The following ANXA8 variants were observed in gnomAD, a reference collection of about 807,000 sequenced individuals.
ANXA8 encodes annexin A8.
Under a neutral mutation model 26.8 loss-of-function variants are expected in ANXA8, and 9 were observed. The ratio of observed to expected loss-of-function variants is 0.34; its 90% CI spans 0.20 to 0.59. The LOEUF (loss-of-function observed/expected upper bound fraction) is 0.59, where lower values mean the gene tolerates loss of function less well. ANXA8 is among the 20% of genes least tolerant of loss of function. ANXA8 has a pLI of 0.84. For synonymous variants in ANXA8, 39 were observed against 94.8 expected, an observed-to-expected ratio of 0.41 and a Z score of 3.42; for missense variants, 83 against 238.5, an observed-to-expected ratio of 0.35 and a Z score of 4.29.
At chr10:47,495,623 G>T in the ANXA8 span, among the ~76,000 whole-genome samples, 6 of 148,554 alleles carry the variant, frequency 4.0e-5, no homozygotes, top group Non-Finnish European at 7.4e-5. Flanking sequence ...TTCTCCTTCT[G>T]GAAACTATAT....
the ANXA8 span, among the ~76,000 whole-genome samples, chr10:47,525,630 A>T: frequency 2.3e-4 from 31 of 137,220 alleles, 1 homozygote; most frequent in South Asian, 7.2e-3. Flanking sequence ...ATGGGAAATG[A>T]CATTGTAGAT....
the ANXA8 span, among the ~76,000 whole-genome samples, chr10:47,720,440 G>A: frequency 6.8e-6 from 1 of 146,974 alleles, no homozygotes. Flanking sequence ...CTGAGTTGTT[G>A]TGGAAGCTAG....
At chr10:47,654,145 C>T in the ANXA8 span, among the ~76,000 whole-genome samples, 2 of 151,396 alleles carry the variant, frequency 1.3e-5, no homozygotes, top group East Asian at 1.9e-4. Context: ...GTAGTGGTGA[C>T]GTTGTAAGAG....
upstream of ANXA8, chr10:47,487,164 G>A (rs1840063203): frequency 2.4e-6 from 3 of 1,229,900 alleles, no homozygotes; most frequent in Non-Finnish European, 3.3e-6. Flanking sequence ...ATGTCAACAA[G>A]AAAATACTTT....
chr10:47,469,899 G>A (rs1456640672), intron 11 of ANXA8, among the ~76,000 whole-genome samples: 1 of 151,124 alleles, frequency 6.6e-6, no homozygotes, highest in Non-Finnish European at 1.5e-5. Flanking sequence ...TTCCTTTCTA[G>A]ACACGATCTC....
chr10:47,684,481 G>C, the ANXA8 span, among the ~76,000 whole-genome samples: 5 of 151,964 alleles, frequency 3.3e-5, no homozygotes, highest in Non-Finnish European at 5.9e-5. Flanking sequence ...TATTTGTTTA[G>C]ACCAAGCTTG....
chr10:47,597,154 A>G, the ANXA8 span, among the ~76,000 whole-genome samples: 1 of 149,608 alleles, frequency 6.7e-6, no homozygotes, highest in African/African-American at 2.5e-5. Flanking sequence ...TAAAATGAAA[A>G]AAAACATAAG....
chr10:47,896,891 TTGAA>T, the ANXA8 span, among the ~76,000 whole-genome samples: 5 of 151,280 alleles, frequency 3.3e-5, no homozygotes, highest in Admixed American at 6.6e-5. Context: ...ATAGAGTTAA[TTGAA>T]TGAAGAGATT....
chr10:47,959,975 C>T, the ANXA8 span, among the ~76,000 whole-genome samples: 3 of 150,006 alleles, frequency 2.0e-5, no homozygotes, highest in Non-Finnish European at 3.0e-5. Context: ...TCACTCGGTT[C>T]CCAGCTGCCA....
At chr10:47,557,437 T>C in the ANXA8 span, among the ~76,000 whole-genome samples, 1 of 151,180 alleles carries the variant, frequency 6.6e-6, no homozygotes. Flanking sequence ...AGTTCCTCCC[T>C]GCTTCTAACC....
chr10:47,640,831 A>T, the ANXA8 span, among the ~76,000 whole-genome samples: 2 of 132,890 alleles, frequency 1.5e-5, no homozygotes, highest in African/African-American at 6.7e-5. Context: ...CTTTGGCATG[A>T]TGAGCAGAGA....
chr10:47,486,706 T>C (rs1295083565), upstream of ANXA8, among the ~76,000 whole-genome samples: 3 of 138,770 alleles, frequency 2.2e-5, no homozygotes, highest in Admixed American at 7.4e-5. Context: ...TCCCAGCATT[T>C]TGGGAGGCCC....
chr10:47,920,620 TG>T, the ANXA8 span: 4 of 127,238 alleles, frequency 3.1e-5, no homozygotes, highest in African/African-American at 9.0e-5. Flanking sequence ...AAAATACATA[TG>T]GCCATGATAT....
chr10:47,703,245 TAATA>T, the ANXA8 span, among the ~76,000 whole-genome samples: 2 of 151,380 alleles, frequency 1.3e-5, no homozygotes, highest in Non-Finnish European at 2.9e-5. Context: ...GAATTCCAAT[TAATA>T]AATCTGAGAG....
chr10:47,951,256 T>C, the ANXA8 span, among the ~76,000 whole-genome samples: 4,017 of 150,396 alleles, frequency 0.027, 133 homozygotes, highest in African/African-American at 0.065. Flanking sequence ...ATAGATAATC[T>C]GAATAGCTTT....
the ANXA8 span, chr10:47,986,242 G>T: frequency 6.5e-6 from 1 of 153,188 alleles, no homozygotes; most frequent in South Asian, 2.0e-4. Context: ...CTTGTTTGAA[G>T]TTTGTGGATG....
the ANXA8 span, among the ~76,000 whole-genome samples, chr10:47,516,076 C>T: frequency 9.0e-6 from 1 of 110,804 alleles, no homozygotes; most frequent in South Asian, 3.0e-4. Context: ...ACAGAATATC[C>T]CAGAACTAGA....
chr10:47,646,699 A>AT, the ANXA8 span, among the ~76,000 whole-genome samples: 3 of 151,590 alleles, frequency 2.0e-5, no homozygotes, highest in Admixed American at 6.6e-5. Context: ...AACCAAGCAC[A>AT]TTTTTTTTCT....
chr10:47,536,719 C>T, the ANXA8 span, among the ~76,000 whole-genome samples: 2 of 125,024 alleles, frequency 1.6e-5, no homozygotes, highest in Non-Finnish European at 3.2e-5. Flanking sequence ...CTACACAGGA[C>T]GCTGAGAGGG....
Sources: gnomAD v4.1 joint callset for allele counts (sites outside exome capture counted in the v4.1 genomes callset) on GRCh38, gnomAD v4.1.1 for gene constraint, MANE v1.5 for transcripts, NCBI Gene and HGNC (gene_info 2026-07-23, HGNC 2026-07-21) for gene names.